Variants in ST6GALNAC3 observed in about 807,000 individuals in gnomAD.
The protein encoded by ST6GALNAC3 is ST6 N-acetylgalactosaminide alpha-2,6-sialyltransferase 3, also known as alpha-N-acetylgalactosaminide alpha-2,6-sialyltransferase 3.
ST6GALNAC3 carries 25 observed loss-of-function variants against 32.7 expected under a neutral mutation model. That is an observed-to-expected ratio of 0.76 (90% CI 0.56 to 1.07). The LOEUF (loss-of-function observed/expected upper bound fraction) is 1.07. Ranked by LOEUF, ST6GALNAC3 falls within the 50% of genes least tolerant of loss-of-function variation. The pLI is 0.00. For missense variants in ST6GALNAC3, 355 were observed against 382.4 expected (o/e 0.93, Z 0.60); for synonymous variants, 129 against 133.1 (o/e 0.97, Z 0.21).
intron 1 of ST6GALNAC3, among the ~76,000 whole-genome samples, chr1:76,077,594 T>A (rs904011366): frequency 6.6e-6 from 1 of 152,138 alleles, no homozygotes; most frequent in Non-Finnish European, 1.5e-5. Context: ...GGCAGTCGAT[T>A]GTGAGAAAGT....
At chr1:76,422,216 T>A (rs1655074604) in intron 3 of ST6GALNAC3, among the ~76,000 whole-genome samples, 1 of 151,914 alleles carries the variant, frequency 6.6e-6, no homozygotes, top group Non-Finnish European at 1.5e-5. Context: ...GACCTAGAGG[T>A]GGAAAAACAA....
chr1:76,307,569 TTTA>T (rs772321507), intron 1 of ST6GALNAC3, among the ~76,000 whole-genome samples: 5 of 152,144 alleles, frequency 3.3e-5, no homozygotes, highest in Non-Finnish European at 7.4e-5. Flanking sequence ...GTCTTTAATA[TTTA>T]TTATTGAATA....
At chr1:76,190,144 TGTAAA>T (rs1324938171) in intron 1 of ST6GALNAC3, among the ~76,000 whole-genome samples, 1 of 152,200 alleles carries the variant, frequency 6.6e-6, no homozygotes, top group Non-Finnish European at 1.5e-5. Flanking sequence ...ACATTTCACC[TGTAAA>T]GTAATTTATG....
chr1:76,131,861 T>C (rs1649630615), intron 1 of ST6GALNAC3, among the ~76,000 whole-genome samples: 1 of 152,148 alleles, frequency 6.6e-6, no homozygotes, highest in Non-Finnish European at 1.5e-5. Context: ...GCAGTGCATA[T>C]TCCTGCAGGT....
intron 3 of ST6GALNAC3, among the ~76,000 whole-genome samples, chr1:76,614,703 A>G (rs1648166546): frequency 8.1e-6 from 1 of 123,720 alleles, no homozygotes. Context: ...TGGGTGACAG[A>G]GCGAGACTCC....
At chr1:76,332,050 T>C (rs1647196422) in intron 2 of ST6GALNAC3, among the ~76,000 whole-genome samples, 1 of 152,234 alleles carries the variant, frequency 6.6e-6, no homozygotes, top group African/African-American at 2.4e-5. Flanking sequence ...TAAAAATTTC[T>C]TTGTACTCAC....
intron 1 of ST6GALNAC3, among the ~76,000 whole-genome samples, chr1:76,267,628 T>TA (rs1185009550): frequency 8.5e-5 from 13 of 152,220 alleles, no homozygotes; most frequent in African/African-American, 2.9e-4. Flanking sequence ...CTGAAGGAAG[T>TA]AGACTGTTAT....
chr1:76,249,795 C>A (rs1009057184), intron 1 of ST6GALNAC3, among the ~76,000 whole-genome samples: 2 of 152,108 alleles, frequency 1.3e-5, no homozygotes, highest in Non-Finnish European at 2.9e-5. Flanking sequence ...TTTATTTTAG[C>A]GATGTCAGTG....
intron 2 of ST6GALNAC3, among the ~76,000 whole-genome samples, chr1:76,341,884 A>AGTGT: frequency 6.6e-6 from 1 of 151,666 alleles, no homozygotes; most frequent in East Asian, 1.9e-4. Context: ...AACAGGCCCT[A>AGTGT]GTGTGTGATG....
chr1:76,208,569 G>C (rs921504927), intron 1 of ST6GALNAC3, among the ~76,000 whole-genome samples: 6 of 152,136 alleles, frequency 3.9e-5, no homozygotes, highest in African/African-American at 1.4e-4. Context: ...CTTTCTGAGG[G>C]AGTCATTCAG....
chr1:76,187,439 G>T lies in ST6GALNAC3; in HGVS notation c.18+112555G>T, dbSNP rs954806888. On this transcript the variant is annotated intron_variant, in intron 1 of 4. Coordinates refer to ENST00000328299, the MANE Select transcript of ST6GALNAC3 (RefSeq NM_152996.4). The stretch of plus-strand genomic sequence containing the variant: ...AGTAAGTTTGTACCCTCCAGATAAA[G>T]TAATTACTGAAACTAAGCATCCATT... Among the ~76,000 whole-genome samples the T allele has an allele frequency of 3.9e-5, 6 of 152,268 alleles. No individual in the cohort carries two copies. In the South Asian group the frequency reaches 1.2e-3, roughly 32 times the overall value.
At chr1:76,129,974 G>A (rs373376241) in intron 1 of ST6GALNAC3, among the ~76,000 whole-genome samples, 1 of 152,028 alleles carries the variant, frequency 6.6e-6, no homozygotes, top group African/African-American at 2.4e-5. Flanking sequence ...GTGTCTTCTC[G>A]GATTACACCC....
At chr1:76,341,520 A>T (rs183203883) in intron 2 of ST6GALNAC3, among the ~76,000 whole-genome samples, 134 of 152,138 alleles carry the variant, frequency 8.8e-4, no homozygotes, top group African/African-American at 3.1e-3. Flanking sequence ...ATACTAGTGC[A>T]GGTGTCTCTT....
At chr1:76,426,302 G>C (rs902425836) in intron 3 of ST6GALNAC3, among the ~76,000 whole-genome samples, 1 of 151,858 alleles carries the variant, frequency 6.6e-6, no homozygotes, top group South Asian at 2.1e-4. Context: ...AATAGCATCT[G>C]ACACACATAG....
At chr1:76,120,603 T>G (rs571134380) in intron 1 of ST6GALNAC3, among the ~76,000 whole-genome samples, 1 of 152,320 alleles carries the variant, frequency 6.6e-6, no homozygotes, top group East Asian at 1.9e-4. Flanking sequence ...CAAGGTCACA[T>G]GAAATTCCAA....
chr1:76,456,087 G>C (rs1377900498), intron 3 of ST6GALNAC3, among the ~76,000 whole-genome samples: 1 of 152,142 alleles, frequency 6.6e-6, no homozygotes, highest in Non-Finnish European at 1.5e-5. Flanking sequence ...CAGGAGAATT[G>C]CTTGAACCCA....
At chr1:76,229,080 G>C (rs1166791296) in intron 1 of ST6GALNAC3, among the ~76,000 whole-genome samples, 1 of 152,068 alleles carries the variant, frequency 6.6e-6, no homozygotes, top group Non-Finnish European at 1.5e-5. Context: ...ACAATGGCCA[G>C]ACCCTATATG....
chr1:76,214,804 G>A (rs1655364883), intron 1 of ST6GALNAC3, among the ~76,000 whole-genome samples: 1 of 152,116 alleles, frequency 6.6e-6, no homozygotes, highest in Non-Finnish European at 1.5e-5. Flanking sequence ...TGGGTCGTAG[G>A]GCAGTTGGGT....
At chr1:76,124,201 A>G (rs1649083169) in intron 1 of ST6GALNAC3, among the ~76,000 whole-genome samples, 1 of 152,234 alleles carries the variant, frequency 6.6e-6, no homozygotes, top group South Asian at 2.1e-4. Context: ...CCAGCTGGGC[A>G]ATTCAATTCA....
Sources: allele counts gnomAD v4.1 joint callset (sites outside exome capture counted in the v4.1 genomes callset), GRCh38; gene constraint gnomAD v4.1.1; transcripts MANE v1.5; gene names NCBI Gene and HGNC (gene_info 2026-07-23, HGNC 2026-07-21).